The following ACTR6 variants were observed in gnomAD, a reference collection of about 807,000 sequenced individuals.
The protein encoded by ACTR6 is actin related protein 6, also known as actin-related protein 6.
A neutral mutation model predicts 52.5 loss-of-function variants in ACTR6; 50 were observed. The ratio of observed to expected loss-of-function variants is 0.95; its 90% CI spans 0.76 to 1.20. The LOEUF (loss-of-function observed/expected upper bound fraction) is 1.20, where lower values mean the gene tolerates loss of function less well. Among genes scored for constraint, ACTR6 ranks in the 50% most tolerant of loss-of-function variants. ACTR6 has a pLI of 0.00. For synonymous variants in ACTR6, 135 were observed against 147.2 expected (o/e 0.92, Z 0.60); for missense variants, 344 against 472.4 (o/e 0.73, Z 2.52).
Position 100,218,693 on chromosome 12 carries a change from G to T in ACTR6, c.922+107G>T. On this transcript the variant is annotated intron_variant, in intron 9 of 10. Coordinates refer to ENST00000188312, the MANE Select transcript of ACTR6 (RefSeq NM_022496.5). The surrounding 1 kb of genome is among the most constrained non-coding windows in gnomAD (Gnocchi z 4.2). ...TAATTTCAGGCAAATTGGTGAGTCT[G>T]TTTTATTTGCAGAGATTTGTAGATC... The T allele has an allele frequency of 1.6e-6, 1 of 641,362 alleles. No individual in the cohort carries two copies. The highest frequency in any genetic ancestry group is 3.5e-5 in the East Asian group (1 of 28,898). The allele number at this position is 641,362 out of a possible 1,614,324, so 39.7% of individuals were successfully genotyped here. A position where few individuals can be genotyped will look rare whatever the true frequency, so the allele number is the denominator to read the frequency against.
intron 10 of ACTR6, chr12:100,221,704 G>A (rs1243070466): frequency 6.6e-6 from 1 of 151,964 alleles, no homozygotes; most frequent in East Asian, 1.9e-4. Context: ...CCAAGGTAGG[G>A]AGATGGCTTG....
At chr12:100,221,024 AAAC>A (rs2096127837) in intron 10 of ACTR6, among the ~76,000 whole-genome samples, 5 of 151,934 alleles carry the variant, frequency 3.3e-5, no homozygotes, top group Admixed American at 1.3e-4. Context: ...AAAAAAAAAA[AAAC>A]AAAAAAAGAA....
chr12:100,203,424 C>G (rs1406624455), intron 1 of ACTR6, among the ~76,000 whole-genome samples: 1 of 152,086 alleles, frequency 6.6e-6, no homozygotes, highest in Non-Finnish European at 1.5e-5. Flanking sequence ...CTGCCTCAGC[C>G]TCCCCAGTAG....
At chr12:100,222,077 C>T (rs1467228514) in intron 10 of ACTR6, among the ~76,000 whole-genome samples, 2 of 152,080 alleles carry the variant, frequency 1.3e-5, no homozygotes, top group East Asian at 3.9e-4. Flanking sequence ...GCCTCAGCCT[C>T]CCGAATAGCT....
chr12:100,208,219 A>G (rs943101390), intron 4 of ACTR6, among the ~76,000 whole-genome samples: 1 of 152,084 alleles, frequency 6.6e-6, no homozygotes, highest in African/African-American at 2.4e-5. Flanking sequence ...AAACTCTTAA[A>G]GTTCCAGAAT....
intron 6 of ACTR6, among the ~76,000 whole-genome samples, chr12:100,212,025 T>C (rs78866321): frequency 0.017 from 2,529 of 152,266 alleles, 66 homozygotes; most frequent in African/African-American, 0.058. Context: ...AACATCTTTG[T>C]TTTCAGTTTC....
intron 8 of ACTR6, among the ~76,000 whole-genome samples, chr12:100,214,889 T>G (rs1308000490): frequency 1.3e-5 from 2 of 152,238 alleles, no homozygotes; most frequent in Non-Finnish European, 2.9e-5. Flanking sequence ...AAGTCCTGGC[T>G]AAGATACGGA....
chr12:100,213,006 C>CAA (rs60253803), intron 8 of ACTR6, among the ~76,000 whole-genome samples: 3,014 of 65,802 alleles, frequency 0.046, 107 homozygotes, highest in Middle Eastern at 0.087. Flanking sequence ...GACTCTGTCT[C>CAA]AAAAAAAAAA....
chr12:100,218,409 T>A lies in ACTR6; in HGVS notation c.751-6T>A. ...ACTTAAACTTTTAATCTTCTTTGTC[T>A]TTAAGCCAAGGGAAGAGATGGTGTT... is the stretch of plus-strand genomic sequence containing the variant. On this transcript the variant is annotated splice_polypyrimidine_tract_variant and splice_region_variant and intron_variant, in intron 8 of 10. Coordinates refer to ENST00000188312, the MANE Select transcript of ACTR6 (RefSeq NM_022496.5). The surrounding 1 kb of genome is among the most constrained non-coding windows in gnomAD (Gnocchi z 4.2). 1 of 1,605,464 alleles carries A rather than the reference T, an allele frequency of 6.2e-7. No individual in the cohort carries two copies. The highest frequency in any genetic ancestry group is 2.3e-5 in the East Asian group (1 of 44,304).
In ACTR6 at chr12:100,211,925, AAAGTGCATAGAGTT is replaced by A. The variant is rs1343094165; in HGVS notation, c.573-327_573-314del. On this transcript the variant is annotated intron_variant, in intron 6 of 10. Transcript: ENST00000188312. The stretch of plus-strand genomic sequence containing the variant: ...GCAATACTTAATATAATCAGAAAAG[AAAGTGCATAGAGTT>A]AAGGCATTGTAGCAAGATTCTATTC... Among the ~76,000 whole-genome samples the A allele has an allele frequency of 6.6e-5, 10 of 152,342 alleles. No homozygotes were observed. In the East Asian group the frequency reaches 1.7e-3, roughly 26 times the overall value.
At chr12:100,203,418 C>G (rs527930335) in intron 1 of ACTR6, among the ~76,000 whole-genome samples, 2 of 152,160 alleles carry the variant, frequency 1.3e-5, no homozygotes, top group South Asian at 4.1e-4. Flanking sequence ...ATTCTCCTGC[C>G]TCAGCCTCCC....
Position 100,210,202 on chromosome 12 carries a change from T to G in ACTR6, c.509T>G (p.Ile170Ser). The change falls in exon 5 of 11, where the codon ATT becomes AGT. Residue 170 changes from isoleucine (I) to serine (S), a missense_variant. Transcript: ENST00000188312. The stretch of plus-strand genomic sequence containing the variant: ...AGAAGTAAAAAGAAAAAAGAAGCAA[T>G]TATTCGGTGAGTTGTATTTAATTTT... ...YCRSKKKKEAIIRINVGGKLL... is the reference protein window; with the variant it reads ...YCRSKKKKEASIRINVGGKLL... The G allele has an allele frequency of 6.2e-7, 1 of 1,602,224 alleles. No homozygotes were observed. Among genetic ancestry groups the G allele is most frequent in the Non-Finnish European group, 8.5e-7 (1 of 1,172,476 alleles).
chr12:100,206,955 C>T (rs1164153260), intron 3 of ACTR6, among the ~76,000 whole-genome samples: 1 of 151,552 alleles, frequency 6.6e-6, no homozygotes, highest in African/African-American at 2.4e-5. Flanking sequence ...CCTGGGATTA[C>T]AAGCTGAGCC....
At chr12:100,204,896 G>A (rs765573548) in intron 1 of ACTR6, 44 bp from the exon 2 acceptor site, 3 of 1,305,080 alleles carry the variant, frequency 2.3e-6, no homozygotes, top group Admixed American at 3.7e-5. Context: ...ATGTTTTTAG[G>A]AACTAAATAT....
intron 8 of ACTR6, among the ~76,000 whole-genome samples, chr12:100,213,244 C>T (rs186597423): frequency 2.6e-4 from 39 of 152,156 alleles, no homozygotes; most frequent in Non-Finnish European, 2.2e-4. Context: ...AGGCATGTGC[C>T]ACCACGCCTG....
At position 100,210,102 on chromosome 12, in the gene ACTR6, C is replaced by T. The variant is rs1460256256; in HGVS notation, c.409C>T (p.Arg137Ter). The change falls in exon 5 of 11, where the codon CGA becomes TGA. Residue 137 changes from arginine to a stop codon, truncating the protein, a stop_gained. Transcript: ENST00000188312. LOFTEE classifies it high-confidence loss of function. ...AGALSAHRYF[R>*]DNPSELCCII... ...GGCTCTCAGTGCACATAGGTATTTC[C>T]GAGATAATCCTTCCGAATTATGCTG... 6 of 1,605,564 alleles carry T rather than the reference C, an allele frequency of 3.7e-6. No individual in the cohort carries two copies. Among genetic ancestry groups the T allele is most frequent in the East Asian group, 2.2e-5 (1 of 44,632 alleles).
intron 10 of ACTR6, among the ~76,000 whole-genome samples, chr12:100,222,500 C>G (rs2096129115): frequency 6.6e-6 from 1 of 151,936 alleles, no homozygotes; most frequent in African/African-American, 2.4e-5. Flanking sequence ...TCAAGCAGTC[C>G]TCCCACCTCG....
At chr12:100,208,951 T>C (rs934782334) in intron 4 of ACTR6, 7 of 348,388 alleles carry the variant, frequency 2.0e-5, no homozygotes, top group Admixed American at 1.2e-4. Flanking sequence ...CTCATTTTGT[T>C]GCCTAGGCTG....
At chr12:100,205,381 T>G (rs937237842) in intron 2 of ACTR6, 1 of 283,396 alleles carries the variant, frequency 3.5e-6, no homozygotes, top group African/African-American at 2.2e-5. Context: ...GTTTTTTAAC[T>G]TTTTAAAGGA....
Sources: gnomAD v4.1 joint callset for allele counts (sites outside exome capture counted in the v4.1 genomes callset) on GRCh38, gnomAD v4.1.1 for gene constraint, Gnocchi (gnomAD v3.1) non-coding constraint, MANE v1.5 for transcripts, NCBI Gene and HGNC (gene_info 2026-07-23, HGNC 2026-07-21) for gene names.